Variants in FSTL4 observed in about 807,000 individuals in gnomAD.
The protein encoded by FSTL4 is follistatin like 4, also known as follistatin-related protein 4.
FSTL4 carries 28 observed loss-of-function variants against 78.2 expected under a neutral mutation model. That is an observed-to-expected ratio of 0.36 (90% CI 0.27 to 0.49). The LOEUF (loss-of-function observed/expected upper bound fraction) is 0.49, where lower values mean the gene tolerates loss of function less well. Among genes scored for constraint, FSTL4 ranks in the 20% least tolerant of loss-of-function variants. The probability of loss-of-function intolerance (pLI) is 0.98; values close to 1 mark genes in which losing one functional copy is unlikely to be tolerated. For synonymous variants in FSTL4, 422 were observed against 440.5 expected, an observed-to-expected ratio of 0.96 and a Z score of 0.53; for missense variants, 922 against 1,084.9, an observed-to-expected ratio of 0.85 and a Z score of 2.11.
the FSTL4 span, among the ~76,000 whole-genome samples, chr5:133,832,329 A>G: frequency 6.6e-6 from 1 of 152,242 alleles, no homozygotes; most frequent in Non-Finnish European, 1.5e-5. Flanking sequence ...CAGGAGAACT[A>G]GAATTGATTT....
At chr5:133,797,731 C>T in the FSTL4 span, among the ~76,000 whole-genome samples, 1 of 152,160 alleles carries the variant, frequency 6.6e-6, no homozygotes, top group Non-Finnish European at 1.5e-5. Flanking sequence ...TCAACCTCCT[C>T]CTTCCCCAGG....
the FSTL4 span, among the ~76,000 whole-genome samples, chr5:133,682,386 C>T: frequency 1.4e-4 from 21 of 152,334 alleles, no homozygotes; most frequent in South Asian, 1.2e-3. Context: ...ACTCCTCGAA[C>T]GCAGGGACTG....
At chr5:133,270,511 C>T (rs937078387) in intron 6 of FSTL4, among the ~76,000 whole-genome samples, 18 of 152,188 alleles carry the variant, frequency 1.2e-4, no homozygotes, top group Admixed American at 5.2e-4. Flanking sequence ...GGCATAGTTA[C>T]AATAATGGCA....
At chr5:133,699,890 A>AAAC in the FSTL4 span, among the ~76,000 whole-genome samples, 6 of 151,424 alleles carry the variant, frequency 4.0e-5, no homozygotes, top group Non-Finnish European at 7.4e-5. Context: ...CAAAAAAAAA[A>AAAC]AAAAAAAAAA....
chr5:133,621,180 C>T, the FSTL4 span, among the ~76,000 whole-genome samples: 2 of 152,124 alleles, frequency 1.3e-5, no homozygotes, highest in Non-Finnish European at 2.9e-5. Flanking sequence ...GTGGGCGGAT[C>T]ACGAGGTCAG....
At chr5:133,529,477 A>G (rs565653400) in intron 3 of FSTL4, among the ~76,000 whole-genome samples, 8 of 152,280 alleles carry the variant, frequency 5.3e-5, no homozygotes, top group South Asian at 2.1e-4. Flanking sequence ...CAGGCTCCCA[A>G]TGCTTTCTTG....
At chr5:133,420,692 T>A (rs2126986853) in intron 3 of FSTL4, among the ~76,000 whole-genome samples, 1 of 152,276 alleles carries the variant, frequency 6.6e-6, no homozygotes, top group East Asian at 1.9e-4. Context: ...ACTGCAGAGA[T>A]GCTTCTAACA....
At position 133,358,815 on chromosome 5, in the gene FSTL4, G is replaced by C. The variant is rs188673397; in HGVS notation, c.409+41923C>G. Among the ~76,000 whole-genome samples the C allele has an allele frequency of 4.9e-3, 746 of 152,036 alleles. 7 individuals carry two copies. The highest frequency in any genetic ancestry group is 8.4e-3 in the Non-Finnish European group (571 of 67,962). ...GGGTTTCACCAGGTTGGCCAGGCTG[G>C]TCTCAAACAAGTGAATCACCCGCCT... On this transcript the variant is annotated intron_variant, in intron 4 of 15. Coordinates refer to ENST00000265342, the MANE Select transcript of FSTL4 (RefSeq NM_015082.2).
At chr5:133,356,071 C>T (rs1754938917) in intron 4 of FSTL4, among the ~76,000 whole-genome samples, 1 of 152,214 alleles carries the variant, frequency 6.6e-6, no homozygotes, top group South Asian at 2.1e-4. Context: ...GTTATAACTG[C>T]TGCCCAAACC....
At chr5:133,427,749 G>GA (rs756205682) in intron 3 of FSTL4, 1 of 497,798 alleles carries the variant, frequency 2.0e-6, no homozygotes, top group Non-Finnish European at 4.3e-6. Flanking sequence ...CACATGTTGA[G>GA]AAGCCCTACA....
chr5:133,421,437 T>C (rs1057260491), intron 3 of FSTL4, among the ~76,000 whole-genome samples: 2 of 152,238 alleles, frequency 1.3e-5, no homozygotes, highest in Admixed American at 1.3e-4. Flanking sequence ...GTCGGGGGAC[T>C]CCCCTGCCTG....
the FSTL4 span, among the ~76,000 whole-genome samples, chr5:133,742,889 C>G: frequency 6.6e-6 from 1 of 152,212 alleles, no homozygotes; most frequent in East Asian, 1.9e-4. Context: ...AGATCAAAGT[C>G]CCCGGACTGC....
chr5:133,372,778 C>T (rs148156628), intron 4 of FSTL4, among the ~76,000 whole-genome samples: 170 of 152,270 alleles, frequency 1.1e-3, no homozygotes, highest in African/African-American at 3.9e-3. Context: ...TTTTATGGTG[C>T]GAACTGAGCC....
chr5:133,565,955 C>G (rs1760017957), intron 3 of FSTL4, among the ~76,000 whole-genome samples: 1 of 152,142 alleles, frequency 6.6e-6, no homozygotes, highest in South Asian at 2.1e-4. Flanking sequence ...GTCACAGTAC[C>G]CATTGTGAAC....
the FSTL4 span, among the ~76,000 whole-genome samples, chr5:133,734,001 A>T: frequency 6.6e-6 from 1 of 152,246 alleles, no homozygotes; most frequent in Admixed American, 6.5e-5. Context: ...TGGGTTCCTC[A>T]ACAGAGAACT....
chr5:133,650,697 T>A, the FSTL4 span, among the ~76,000 whole-genome samples: 1 of 152,222 alleles, frequency 6.6e-6, no homozygotes, highest in South Asian at 2.1e-4. Context: ...GGCTTTATAG[T>A]AAGTCTTGAA....
the FSTL4 span, among the ~76,000 whole-genome samples, chr5:133,818,931 C>CTGTATATATATATATATATA: frequency 1.6e-5 from 1 of 61,756 alleles, no homozygotes; most frequent in Non-Finnish European, 2.9e-5. Flanking sequence ...TTAGAAGATA[C>CTGTATATATATATATATATA]TATATATATA....
rs182253462 is a variant in FSTL4 at position 133,569,259 on chromosome 5, T to C, written c.127-2040A>G. On this transcript the variant is annotated intron_variant, in intron 2 of 15. Coordinates refer to ENST00000265342, the MANE Select transcript of FSTL4 (RefSeq NM_015082.2). ...CCAATTCCTATACTTCCAGGTGTTTTCTCTTGCCTTAGAGCTTTAACCAAT... is the reference window on the plus strand; with the variant it reads ...CCAATTCCTATACTTCCAGGTGTTTCCTCTTGCCTTAGAGCTTTAACCAAT... Among the ~76,000 whole-genome samples the C allele has an allele frequency of 1.2e-3, 179 of 152,364 alleles. 2 individuals carry two copies. The highest frequency in any genetic ancestry group is 4.2e-3 in the African/African-American group (174 of 41,596).
chr5:133,643,839 T>A, the FSTL4 span, among the ~76,000 whole-genome samples: 1 of 152,192 alleles, frequency 6.6e-6, no homozygotes, highest in South Asian at 2.1e-4. Context: ...ATGAAGCCAG[T>A]ATTACCCCAT....
Sources: gnomAD v4.1 joint callset for allele counts (sites outside exome capture counted in the v4.1 genomes callset) on GRCh38, gnomAD v4.1.1 for gene constraint, MANE v1.5 for transcripts, NCBI Gene and HGNC (gene_info 2026-07-23, HGNC 2026-07-21) for gene names.